ADAMTSL1: variants seen among roughly 807,000 people sequenced by gnomAD.
The protein encoded by ADAMTSL1 is ADAMTS like 1.
Under a neutral mutation model 201.8 loss-of-function variants are expected in ADAMTSL1, and 126 were observed. The ratio of observed to expected loss-of-function variants is 0.62; its 90% CI spans 0.54 to 0.72. ADAMTSL1 has a LOEUF of 0.72. Ranked by LOEUF, ADAMTSL1 falls within the 30% of genes least tolerant of loss-of-function variation. The probability of loss-of-function intolerance (pLI) is 0.00; values close to 1 mark genes in which losing one functional copy is unlikely to be tolerated. For synonymous variants in ADAMTSL1, 1,121 were observed against 903.4 expected, an observed-to-expected ratio of 1.24 and a Z score of -4.32; for missense variants, 2,679 against 2,277.8, an observed-to-expected ratio of 1.18 and a Z score of -3.59.
At chr9:18,022,160 T>G (rs1820503616) in intron 1 of ADAMTSL1, among the ~76,000 whole-genome samples, 1 of 152,150 alleles carries the variant, frequency 6.6e-6, no homozygotes, top group Admixed American at 6.6e-5. Context: ...GAACTAGGTT[T>G]GGTTCAGCAC....
At chr9:18,818,165 A>G (rs986608065) in intron 21 of ADAMTSL1, among the ~76,000 whole-genome samples, 1 of 152,158 alleles carries the variant, frequency 6.6e-6, no homozygotes, top group South Asian at 2.1e-4. Flanking sequence ...CACTGCCACA[A>G]TGGGATGAAG....
At chr9:18,679,432 A>G (rs992566318) in intron 10 of ADAMTSL1, among the ~76,000 whole-genome samples, 1 of 152,164 alleles carries the variant, frequency 6.6e-6, no homozygotes, top group Non-Finnish European at 1.5e-5. Flanking sequence ...AGAGAAGAGA[A>G]TTTGGCAAAG....
chr9:18,653,128 C>T (rs1037848012), intron 7 of ADAMTSL1, among the ~76,000 whole-genome samples: 2 of 152,204 alleles, frequency 1.3e-5, no homozygotes, highest in African/African-American at 2.4e-5. Flanking sequence ...TGTTAGATTT[C>T]ACACATTATT....
At chr9:18,101,770 G>T (rs1269009134) in intron 1 of ADAMTSL1, among the ~76,000 whole-genome samples, 1 of 152,186 alleles carries the variant, frequency 6.6e-6, no homozygotes, top group Admixed American at 6.5e-5. Flanking sequence ...AGACATGGTA[G>T]AGAATCCAGC....
At chr9:18,762,164 C>G (rs1175218683) in intron 16 of ADAMTSL1, among the ~76,000 whole-genome samples, 2 of 152,116 alleles carry the variant, frequency 1.3e-5, no homozygotes, top group African/African-American at 4.8e-5. Context: ...GAATGAATTC[C>G]CTTTCCTCAA....
chr9:18,819,792 G>A (rs773569433), intron 21 of ADAMTSL1, among the ~76,000 whole-genome samples: 5 of 152,162 alleles, frequency 3.3e-5, no homozygotes, highest in Non-Finnish European at 7.3e-5. Flanking sequence ...TATTCCTCTT[G>A]TTAAACAAGA....
chr9:18,783,407 T>C (rs1821518233), intron 19 of ADAMTSL1, among the ~76,000 whole-genome samples: 2 of 152,196 alleles, frequency 1.3e-5, no homozygotes. Flanking sequence ...AAACTCTTTC[T>C]ACGGTAGGGA....
chr9:18,599,574 C>G (rs529792267), intron 4 of ADAMTSL1, among the ~76,000 whole-genome samples: 12 of 152,202 alleles, frequency 7.9e-5, no homozygotes, highest in African/African-American at 2.9e-4. Context: ...GTTTAGCCTC[C>G]CATTTTCCCA....
In ADAMTSL1 at chr9:18,888,219, A is replaced by G. The variant is rs373163038; in HGVS notation, c.4462+176A>G. Among the ~76,000 whole-genome samples, 7 of 152,328 alleles carry G rather than the reference A, an allele frequency of 4.6e-5. 1 individual carries two copies. Among genetic ancestry groups the G allele is most frequent in the Admixed American group, 2.6e-4 (4 of 15,294 alleles). On this transcript the variant is annotated intron_variant, in intron 24 of 28. Coordinates refer to ENST00000380548, the MANE Select transcript of ADAMTSL1 (RefSeq NM_001040272.6). ...CCTACTTCTGTCAACATGGCCCTTC[A>G]GAAGAGCCATCATGCCCCATCCCAG... is the stretch of plus-strand genomic sequence containing the variant.
chr9:18,151,908 C>T (rs570772424), intron 1 of ADAMTSL1, among the ~76,000 whole-genome samples: 1 of 152,142 alleles, frequency 6.6e-6, no homozygotes, highest in African/African-American at 2.4e-5. Flanking sequence ...GGAATGTCCA[C>T]ACACTTTGTC....
At chr9:18,897,824 G>A (rs1368469020) in intron 26 of ADAMTSL1, among the ~76,000 whole-genome samples, 2 of 152,156 alleles carry the variant, frequency 1.3e-5, no homozygotes, top group African/African-American at 2.4e-5. Context: ...CACTTCTCCT[G>A]CAAGGGCACA....
At chr9:18,855,689 T>G (rs1826795872) in intron 23 of ADAMTSL1, among the ~76,000 whole-genome samples, 1 of 152,198 alleles carries the variant, frequency 6.6e-6, no homozygotes, top group African/African-American at 2.4e-5. Flanking sequence ...TATGTGAAAA[T>G]CCATTATGAT....
Position 18,817,038 on chromosome 9 carries a change from A to G in ADAMTSL1, c.3806-71A>G, listed in dbSNP as rs545990887. ...CCAGCCATGCATTGGTGGTTAGCCC[A>G]TATTTCAAAGGAGTGCCCCAATTTC... On this transcript the variant is annotated intron_variant, in intron 20 of 28. Transcript: ENST00000380548. 10 of 1,565,638 alleles carry G rather than the reference A, an allele frequency of 6.4e-6. No individual in the cohort carries two copies. The Admixed American group carries it at 1.6e-4, about 26-fold the overall frequency.
chr9:18,895,899 G>GACAA (rs1220170913), intron 26 of ADAMTSL1, among the ~76,000 whole-genome samples: 29 of 152,296 alleles, frequency 1.9e-4, no homozygotes, highest in African/African-American at 6.0e-4. Context: ...GAACATTAAA[G>GACAA]ACAAACACTT....
chr9:17,986,506 C>T (rs929836050), intron 1 of ADAMTSL1, among the ~76,000 whole-genome samples: 2 of 152,054 alleles, frequency 1.3e-5, no homozygotes, highest in African/African-American at 4.8e-5. Flanking sequence ...ATCTGTAATC[C>T]TCTGTCATTT....
chr9:18,749,727 G>T (rs1243086997), intron 15 of ADAMTSL1, among the ~76,000 whole-genome samples: 6 of 152,220 alleles, frequency 3.9e-5, no homozygotes, highest in Non-Finnish European at 8.8e-5. Context: ...AAGAGTCTCT[G>T]CTTTCCCTTC....
intron 1 of ADAMTSL1, among the ~76,000 whole-genome samples, chr9:17,908,450 C>T (rs1825806208): frequency 6.6e-6 from 1 of 151,774 alleles, no homozygotes; most frequent in Non-Finnish European, 1.5e-5. Context: ...AATGACCTGC[C>T]TTAATGTGAC....
chr9:18,805,144 C>G (rs1192068825), intron 20 of ADAMTSL1, among the ~76,000 whole-genome samples: 1 of 152,190 alleles, frequency 6.6e-6, no homozygotes, highest in Non-Finnish European at 1.5e-5. Context: ...TGTTTCCTAG[C>G]ATTTCTAGAA....
At chr9:18,882,817 G>T (rs748886847) in intron 23 of ADAMTSL1, among the ~76,000 whole-genome samples, 7 of 151,912 alleles carry the variant, frequency 4.6e-5, no homozygotes, top group Non-Finnish European at 8.8e-5. Context: ...AACATAGCAA[G>T]ACTCCATCTC....
Sources: allele counts gnomAD v4.1 joint callset (sites outside exome capture counted in the v4.1 genomes callset), GRCh38; gene constraint gnomAD v4.1.1; transcripts MANE v1.5; gene names NCBI Gene and HGNC (gene_info 2026-07-23, HGNC 2026-07-21).